PTPRR: variants seen among roughly 807,000 people sequenced by gnomAD.
The protein encoded by PTPRR is protein tyrosine phosphatase receptor type R, also known as receptor-type tyrosine-protein phosphatase R.
A neutral mutation model predicts 77.2 loss-of-function variants in PTPRR; 38 were observed. The ratio of observed to expected loss-of-function variants is 0.49; its 90% CI spans 0.38 to 0.65. The LOEUF is 0.65. Among genes scored for constraint, PTPRR ranks in the 30% least tolerant of loss-of-function variants. The probability of loss-of-function intolerance (pLI) is 0.00; values close to 1 mark genes in which losing one functional copy is unlikely to be tolerated. For synonymous variants in PTPRR, 299 were observed against 283.1 expected, an observed-to-expected ratio of 1.06 and a Z score of -0.57; for missense variants, 744 against 799.2, an observed-to-expected ratio of 0.93 and a Z score of 0.83.
intron 6 of PTPRR, among the ~76,000 whole-genome samples, chr12:70,728,974 T>C (rs1889554783): frequency 6.6e-6 from 1 of 152,078 alleles, no homozygotes; most frequent in Non-Finnish European, 1.5e-5. Flanking sequence ...AATCCATGAG[T>C]TGTTTCAGTT....
intron 3 of PTPRR, 141 bp downstream of exon 3, chr12:70,764,524 G>A (rs1890767787): frequency 3.0e-6 from 2 of 670,046 alleles, no homozygotes; most frequent in Non-Finnish European, 5.2e-6. Context: ...GATATAGCTT[G>A]TTTCATAAAA....
At chr12:70,885,557 C>T (rs547630546) in intron 2 of PTPRR, among the ~76,000 whole-genome samples, 26 of 128,128 alleles carry the variant, frequency 2.0e-4, no homozygotes, top group Non-Finnish European at 3.4e-4. Flanking sequence ...TTTTTTGAGA[C>T]GGAGTCTTGC....
At chr12:70,763,804 T>C (rs1432995329) in intron 3 of PTPRR, among the ~76,000 whole-genome samples, 1 of 152,152 alleles carries the variant, frequency 6.6e-6, no homozygotes, top group Non-Finnish European at 1.5e-5. Context: ...CTGAGGTGAC[T>C]AGCTTTTTAC....
At chr12:70,794,010 C>G (rs1003363597) in intron 2 of PTPRR, among the ~76,000 whole-genome samples, 2 of 151,606 alleles carry the variant, frequency 1.3e-5, no homozygotes, top group South Asian at 2.1e-4. Flanking sequence ...TTGAAGTTCC[C>G]TCATATACCA....
At chr12:70,869,109 C>T (rs565617255) in intron 2 of PTPRR, among the ~76,000 whole-genome samples, 2 of 151,294 alleles carry the variant, frequency 1.3e-5, no homozygotes, top group Non-Finnish European at 2.9e-5. Context: ...GGGTGCAGCA[C>T]ACCAACATGG....
chr12:70,832,331 CA>C (rs1223445227), intron 2 of PTPRR, among the ~76,000 whole-genome samples: 1 of 152,132 alleles, frequency 6.6e-6, no homozygotes, highest in African/African-American at 2.4e-5. Flanking sequence ...GCTGCTAGAT[CA>C]GTTTTTTTCC....
chr12:70,849,484 C>A (rs1892538863), intron 2 of PTPRR, among the ~76,000 whole-genome samples: 1 of 152,298 alleles, frequency 6.6e-6, no homozygotes, highest in Admixed American at 6.5e-5. Flanking sequence ...ACTCAACTAC[C>A]AGTTTCTTTC....
intron 10 of PTPRR, among the ~76,000 whole-genome samples, chr12:70,683,411 A>G (rs1020748777): frequency 3.3e-5 from 5 of 152,192 alleles, no homozygotes; most frequent in Non-Finnish European, 5.9e-5. Context: ...AGAAAAGACT[A>G]CTAGTATGGA....
intron 2 of PTPRR, among the ~76,000 whole-genome samples, chr12:70,796,085 G>A (rs1288297732): frequency 6.6e-6 from 1 of 151,664 alleles, no homozygotes; most frequent in Non-Finnish European, 1.5e-5. Context: ...CATGAAGCCC[G>A]ACTAATCTTT....
chr12:70,897,138 A>C (rs965202976), intron 1 of PTPRR, among the ~76,000 whole-genome samples: 2 of 151,758 alleles, frequency 1.3e-5, no homozygotes, highest in East Asian at 3.9e-4. Context: ...GCAACAAAAG[A>C]CAAAATTGAC....
intron 10 of PTPRR, among the ~76,000 whole-genome samples, chr12:70,681,932 A>T (rs57019085): frequency 0.063 from 9,634 of 151,922 alleles, 482 homozygotes; most frequent in East Asian, 0.16. Flanking sequence ...TCAGCTTTAA[A>T]TACTCAAGAG....
chr12:70,807,995 T>C (rs777752727), intron 2 of PTPRR, among the ~76,000 whole-genome samples: 4 of 152,160 alleles, frequency 2.6e-5, no homozygotes, highest in Non-Finnish European at 4.4e-5. Flanking sequence ...CTCTTATTAC[T>C]GAAAACGGGT....
chr12:70,896,086 G>A (rs537029439), intron 1 of PTPRR, among the ~76,000 whole-genome samples: 207 of 151,676 alleles, frequency 1.4e-3, no homozygotes, highest in Non-Finnish European at 2.4e-3. Context: ...AACCTGGAGT[G>A]ACTATATTAA....
intron 8 of PTPRR, among the ~76,000 whole-genome samples, chr12:70,694,086 T>G (rs556714102): frequency 6.6e-6 from 1 of 152,172 alleles, no homozygotes; most frequent in Non-Finnish European, 1.5e-5. Flanking sequence ...ATGTTTTTGT[T>G]GGGGTAGGAA....
rs533099511 is a variant in PTPRR at position 70,877,460 on chromosome 12, A to C, written c.357+15219T>G. ...CATTTACTGATGCCAGAAAGAATCAAATGAGGTATCCAGGTCAGGTATTAC... is the reference window on the plus strand; with the variant it reads ...CATTTACTGATGCCAGAAAGAATCACATGAGGTATCCAGGTCAGGTATTAC... On this transcript the variant is annotated intron_variant, in intron 2 of 13. Transcript: ENST00000283228. Among the ~76,000 whole-genome samples, 14 of 152,290 alleles carry C rather than the reference A, an allele frequency of 9.2e-5. No homozygotes were observed. In the South Asian group the frequency reaches 2.7e-3, roughly 29 times the overall value.
At chr12:70,834,073 C>T (rs1214070440) in intron 2 of PTPRR, among the ~76,000 whole-genome samples, 1 of 152,126 alleles carries the variant, frequency 6.6e-6, no homozygotes, top group Non-Finnish European at 1.5e-5. Context: ...CTACAGTTAA[C>T]TGAAAATATC....
chr12:70,784,635 G>A (rs1032989413), intron 2 of PTPRR, among the ~76,000 whole-genome samples: 1 of 152,206 alleles, frequency 6.6e-6, no homozygotes, highest in African/African-American at 2.4e-5. Flanking sequence ...CCAGATGGCC[G>A]CCGCTGCCAT....
At chr12:70,908,837 A>G (rs1893661459) in intron 1 of PTPRR, among the ~76,000 whole-genome samples, 2 of 152,168 alleles carry the variant, frequency 1.3e-5, no homozygotes, top group Admixed American at 6.5e-5. Context: ...CACTGGGCTA[A>G]GGCTCTGCTT....
intron 2 of PTPRR, among the ~76,000 whole-genome samples, chr12:70,883,333 G>A (rs1407852901): frequency 6.6e-6 from 1 of 152,084 alleles, no homozygotes; most frequent in Non-Finnish European, 1.5e-5. Context: ...AAACAGCAAG[G>A]ATTTGAGCCA....
Sources: gnomAD v4.1 joint callset for allele counts (sites outside exome capture counted in the v4.1 genomes callset) on GRCh38, gnomAD v4.1.1 for gene constraint, MANE v1.5 for transcripts, NCBI Gene and HGNC (gene_info 2026-07-23, HGNC 2026-07-21) for gene names.